CCSER1: variants seen among roughly 807,000 people sequenced by gnomAD.
CCSER1 encodes coiled-coil serine rich protein 1.
Under a neutral mutation model 82.0 loss-of-function variants are expected in CCSER1, and 41 were observed. That is an observed-to-expected ratio of 0.50 (90% confidence interval 0.39 to 0.65). The LOEUF is 0.65. Among genes scored for constraint, CCSER1 ranks in the 30% least tolerant of loss-of-function variants. The pLI is 0.00. For missense variants in CCSER1, 1,119 were observed against 1,064.2 expected (o/e 1.05, Z -0.72); for synonymous variants, 414 against 383.9 (o/e 1.08, Z -0.92).
In CCSER1 at chr4:91,371,148, C is replaced by T. The variant is rs142204008; in HGVS notation, c.2218-227424C>T. 2.6e-5 allele frequency among the ~76,000 whole-genome samples: 4 copies of T among 152,286 alleles called. No homozygotes were observed. In the Middle Eastern group the frequency reaches 0.01, roughly 388 times the overall value. On this transcript the variant is annotated intron_variant, in intron 10 of 10. Transcript: ENST00000509176. ...AAAGTGCTGGGATTACAGGCATGAG[C>T]CACCACAACTGCCATATTTTAGTTA... is the stretch of plus-strand genomic sequence containing the variant.
intron 9 of CCSER1, among the ~76,000 whole-genome samples, chr4:90,952,460 C>T (rs1047939135): frequency 1.3e-5 from 2 of 151,784 alleles, no homozygotes; most frequent in Non-Finnish European, 2.9e-5. Flanking sequence ...ATTATCCTGC[C>T]CACCAGGTTA....
intron 5 of CCSER1, among the ~76,000 whole-genome samples, chr4:90,476,923 T>C (rs1765197658): frequency 6.6e-6 from 1 of 152,188 alleles, no homozygotes; most frequent in African/African-American, 2.4e-5. Flanking sequence ...TGAAGTGTTT[T>C]AGCTCACCAG....
intron 5 of CCSER1, among the ~76,000 whole-genome samples, chr4:90,478,618 T>C (rs1765427668): frequency 6.6e-6 from 1 of 152,178 alleles, no homozygotes; most frequent in South Asian, 2.1e-4. Flanking sequence ...CCAACAAGAT[T>C]ATATGTTGTT....
intron 9 of CCSER1, among the ~76,000 whole-genome samples, chr4:91,026,371 A>T (rs765934511): frequency 6.6e-6 from 1 of 152,086 alleles, no homozygotes; most frequent in Non-Finnish European, 1.5e-5. Context: ...TGGCCTTAAT[A>T]AATTGAAGCG....
At chr4:90,280,103 T>C (rs1438115494) in intron 1 of CCSER1, among the ~76,000 whole-genome samples, 1 of 151,994 alleles carries the variant, frequency 6.6e-6, no homozygotes, top group Non-Finnish European at 1.5e-5. Flanking sequence ...TGTTGAATAC[T>C]ATAAAGAAAA....
chr4:91,288,712 A>G (rs1425722742), intron 10 of CCSER1, among the ~76,000 whole-genome samples: 1 of 151,976 alleles, frequency 6.6e-6, no homozygotes, highest in Non-Finnish European at 1.5e-5. Context: ...GGAAAGAGCA[A>G]CAACACAGTC....
At chr4:90,502,493 T>C (rs745598056) in intron 5 of CCSER1, among the ~76,000 whole-genome samples, 8 of 152,152 alleles carry the variant, frequency 5.3e-5, no homozygotes, top group Non-Finnish European at 7.4e-5. Context: ...ACTATATCAC[T>C]AAAAGTTTGT....
chr4:90,951,357 A>G (rs1323542722), intron 9 of CCSER1: 2 of 152,086 alleles, frequency 1.3e-5, no homozygotes, highest in African/African-American at 4.8e-5. Flanking sequence ...TGAGAAGAGA[A>G]ATCTTTGGGG....
intron 10 of CCSER1, among the ~76,000 whole-genome samples, chr4:91,392,950 G>A (rs1001846175): frequency 6.6e-6 from 1 of 152,044 alleles, no homozygotes; most frequent in Non-Finnish European, 1.5e-5. Context: ...TTTGATAAAG[G>A]AAGTCAGATA....
At chr4:90,683,362 A>G (rs917095325) in intron 6 of CCSER1, among the ~76,000 whole-genome samples, 1 of 152,084 alleles carries the variant, frequency 6.6e-6, no homozygotes, top group African/African-American at 2.4e-5. Flanking sequence ...AAAGAGCTCA[A>G]GCTATTTTGC....
chr4:91,303,930 T>C (rs1744858529), intron 10 of CCSER1, among the ~76,000 whole-genome samples: 1 of 152,056 alleles, frequency 6.6e-6, no homozygotes. Flanking sequence ...ATATAGAGTC[T>C]AATACAGATC....
chr4:90,554,559 T>G (rs903264098), intron 5 of CCSER1, among the ~76,000 whole-genome samples: 3 of 152,194 alleles, frequency 2.0e-5, no homozygotes, highest in Admixed American at 6.5e-5. Flanking sequence ...TCAGGTTTTG[T>G]GCATGAAGGA....
chr4:90,597,652 T>G (rs1414932794), intron 5 of CCSER1, among the ~76,000 whole-genome samples: 1 of 152,116 alleles, frequency 6.6e-6, no homozygotes, highest in Non-Finnish European at 1.5e-5. Flanking sequence ...TCTGGTATAC[T>G]TATGTTTTTG....
In CCSER1 at chr4:90,499,964, A is replaced by G. The variant is rs542262929; in HGVS notation, c.1724+31610A>G. ...TTTATGGGGACAATTAGATTTTAAA[A>G]TTGCAATTTTATACACTACATAAAA... On this transcript the variant is annotated intron_variant, in intron 5 of 10. Transcript: ENST00000509176. Among the ~76,000 whole-genome samples the G allele has an allele frequency of 1.1e-4, 16 of 152,306 alleles. No individual in the cohort carries two copies. In the South Asian group the frequency reaches 2.5e-3, roughly 24 times the overall value.
At chr4:91,460,247 G>T (rs942551803) in intron 10 of CCSER1, among the ~76,000 whole-genome samples, 1 of 152,106 alleles carries the variant, frequency 6.6e-6, no homozygotes, top group African/African-American at 2.4e-5. Context: ...AATTCGTAGG[G>T]ATGGGTTAGG....
Position 90,344,478 on chromosome 4 carries a change from A to ACAGATACTT in CCSER1, c.1509+31433_1509+31441dup, listed in dbSNP as rs564860392. Among the ~76,000 whole-genome samples the ACAGATACTT allele has an allele frequency of 1.9e-3, 283 of 152,226 alleles. 3 individuals are homozygous for ACAGATACTT. The South Asian group carries it at 0.021, about 11-fold the overall frequency. Reference sequence around the variant, plus strand: ...ATCATAAATGTAGAGACTGTGTGGTACAGATACTTCTCGCCTTACAATGGG... The same window carrying ACAGATACTT: ...ATCATAAATGTAGAGACTGTGTGGTACAGATACTTCAGATACTTCTCGCCTTACAATGGG... On this transcript the variant is annotated intron_variant, in intron 3 of 10. Coordinates refer to ENST00000509176, the MANE Select transcript of CCSER1 (RefSeq NM_001145065.2).
intron 7 of CCSER1, 49 bp from the exon 8 acceptor site, chr4:90,815,713 A>G (rs1202041187): frequency 3.7e-6 from 5 of 1,360,156 alleles, no homozygotes; most frequent in Non-Finnish European, 5.0e-6. Context: ...TATCAAGAGC[A>G]AAGTAAAAGG....
intron 3 of CCSER1, among the ~76,000 whole-genome samples, chr4:90,378,796 C>T (rs1007977454): frequency 1.4e-4 from 22 of 151,774 alleles, no homozygotes; most frequent in Admixed American, 1.2e-3. Flanking sequence ...GTGCAGATAC[C>T]CTAGATTGTT....
chr4:91,260,698 T>A (rs1741043220), intron 10 of CCSER1, among the ~76,000 whole-genome samples: 1 of 152,174 alleles, frequency 6.6e-6, no homozygotes, highest in African/African-American at 2.4e-5. Flanking sequence ...TATTGTCTTG[T>A]TGTCAAATTT....
Sources: allele counts gnomAD v4.1 joint callset (sites outside exome capture counted in the v4.1 genomes callset), GRCh38; gene constraint gnomAD v4.1.1; transcripts MANE v1.5; gene names NCBI Gene and HGNC (gene_info 2026-07-23, HGNC 2026-07-21).